OIT3: variants seen among roughly 807,000 people sequenced by gnomAD.
OIT3 encodes the protein oncoprotein induced transcript 3.
Under a neutral mutation model 52.2 loss-of-function variants are expected in OIT3, and 41 were observed. The observed-to-expected ratio is 0.79, with a 90% CI of 0.61 to 1.02. The LOEUF is 1.02. Among genes scored for constraint, OIT3 ranks in the 50% least tolerant of loss-of-function variants. The pLI, the probability that OIT3 is intolerant of heterozygous loss-of-function variation, is 0.00. For missense variants in OIT3, 634 were observed against 715.5 expected, an observed-to-expected ratio of 0.89 and a Z score of 1.30; for synonymous variants, 244 against 276.9, an observed-to-expected ratio of 0.88 and a Z score of 1.18.
rs568725374 is a variant in OIT3 at position 72,916,243 on chromosome 10, G to T, written c.951+2775G>T. ...TACATATGTAAATGTGTGTCATGGG[G>T]GTTGGTTATACAGATTATTTCATCA... On this transcript the variant is annotated intron_variant, in intron 6 of 8. Transcript: ENST00000334011. Among the ~76,000 whole-genome samples, 319 of 152,194 alleles carry T rather than the reference G, an allele frequency of 2.1e-3. 1 individual carries two copies. Among genetic ancestry groups the T allele is most frequent in the African/African-American group, 7.6e-3 (315 of 41,518 alleles).
chr10:72,909,144 AG>A (rs1405848790), intron 4 of OIT3, among the ~76,000 whole-genome samples: 2 of 144,614 alleles, frequency 1.4e-5, no homozygotes, highest in African/African-American at 5.2e-5. Flanking sequence ...TTTTGAGATA[AG>A]GTCTCACTCT....
chr10:72,899,755 AGATG>A (rs1228383039), intron 2 of OIT3, among the ~76,000 whole-genome samples: 1,719 of 134,566 alleles, frequency 0.013, 31 homozygotes, highest in African/African-American at 0.044. Flanking sequence ...ATAGATAGAT[AGATG>A]ATAGATAGAT....
intron 6 of OIT3, chr10:72,913,678 G>A (rs1173409333): frequency 1.5e-6 from 1 of 667,332 alleles, no homozygotes; most frequent in Non-Finnish European, 2.8e-6. Context: ...TGCTATTCCT[G>A]TTTTCAAATA....
intron 3 of OIT3, 50 bp from the exon 4 acceptor site, chr10:72,906,546 A>T: frequency 6.2e-7 from 1 of 1,608,986 alleles, no homozygotes; most frequent in Non-Finnish European, 8.5e-7. Context: ...GGGTTGGGAA[A>T]AGGCTGAATC....
At position 72,893,742 on chromosome 10, in the gene OIT3, A is replaced by G; in HGVS notation, c.-57A>G. On this transcript the variant is annotated 5_prime_UTR_variant, in exon 1 of 9. Coordinates refer to ENST00000334011, the MANE Select transcript of OIT3 (RefSeq NM_152635.3). ...AAAAGTGCTTGAAAGAGAAGGGGAC[A>G]AAGGAACACCAGTATTAAGAGGATT... 2 of 1,477,236 alleles carry G rather than the reference A, an allele frequency of 1.4e-6. No homozygotes were observed. The highest frequency in any genetic ancestry group is 4.7e-5 in the East Asian group (2 of 42,428). 91.5% of individuals were successfully genotyped at this position (1,477,236 alleles called of 1,614,324 possible).
intron 1 of OIT3, among the ~76,000 whole-genome samples, chr10:72,896,911 A>G (rs572376025): frequency 6.6e-6 from 1 of 152,312 alleles, no homozygotes; most frequent in African/African-American, 2.4e-5. Context: ...CATAAGGACA[A>G]TTTACCTATG....
rs75836713 is a variant in OIT3 at position 72,912,721 on chromosome 10, A to G, written c.791-587A>G. Among the ~76,000 whole-genome samples, 320 of 152,282 alleles carry G rather than the reference A, an allele frequency of 2.1e-3. 7 individuals are homozygous for G. The East Asian group carries it at 0.053, about 25-fold the overall frequency. ...ACAGAACTCAAGTATTCTTTTCAGG[A>G]TACTTGCAGAGTCTAGAGAAGAACC... is the stretch of plus-strand genomic sequence containing the variant. On this transcript the variant is annotated intron_variant, in intron 5 of 8. Coordinates refer to ENST00000334011, the MANE Select transcript of OIT3 (RefSeq NM_152635.3).
rs1845895295 is a variant in OIT3, at chr10:72,898,291, A to C, written c.62-373A>C. Among the ~76,000 whole-genome samples, 3 of 152,228 alleles carry C rather than the reference A, an allele frequency of 2.0e-5. No individual in the cohort carries two copies. The South Asian group carries it at 6.2e-4, about 32-fold the overall frequency. On this transcript the variant is annotated intron_variant, in intron 1 of 8. Transcript: ENST00000334011. ...GACAGAGCCAAACCCTGTTTCAAAAATAATAATAATACAGTCTCCATGTAT... is the reference window on the plus strand; with the variant it reads ...GACAGAGCCAAACCCTGTTTCAAAACTAATAATAATACAGTCTCCATGTAT...
At chr10:72,920,775 T>C (rs945277854) in intron 6 of OIT3, among the ~76,000 whole-genome samples, 1 of 152,218 alleles carries the variant, frequency 6.6e-6, no homozygotes, top group African/African-American at 2.4e-5. Flanking sequence ...CTAATTCGAT[T>C]GTGCTGTCAT....
intron 4 of OIT3, among the ~76,000 whole-genome samples, chr10:72,908,600 G>A (rs964033026): frequency 2.6e-5 from 4 of 152,010 alleles, no homozygotes; most frequent in Admixed American, 2.0e-4. Flanking sequence ...TTGAATAGGC[G>A]TAGTATCCAG....
intron 7 of OIT3, 130 bp downstream of exon 7, chr10:72,924,774 A>C: frequency 1.2e-6 from 1 of 825,296 alleles, no homozygotes; most frequent in Non-Finnish European, 1.9e-6. Context: ...GGAACCACTT[A>C]TTGACATTTT....
chr10:72,900,339 C>A (rs747022583), intron 2 of OIT3, 38 bp from the exon 3 acceptor site: 8 of 1,051,508 alleles, frequency 7.6e-6, no homozygotes, highest in Non-Finnish European at 5.8e-6. Context: ...GTCTTCTGGT[C>A]TCCTGCCCTC....
At chr10:72,904,931 G>A (rs1845965520) in intron 3 of OIT3, among the ~76,000 whole-genome samples, 2 of 152,150 alleles carry the variant, frequency 1.3e-5, no homozygotes, top group South Asian at 4.1e-4. Context: ...ATCTGGGGAG[G>A]GCCTCAGGCT....
chr10:72,922,440 T>G (rs1846129725), intron 6 of OIT3, among the ~76,000 whole-genome samples: 1 of 152,178 alleles, frequency 6.6e-6, no homozygotes, highest in Non-Finnish European at 1.5e-5. Context: ...GTCTTCAAGC[T>G]CTGAGATTCT....
chr10:72,909,117 C>CT (rs35778299), intron 4 of OIT3, among the ~76,000 whole-genome samples: 4,742 of 111,716 alleles, frequency 0.042, 125 homozygotes, highest in African/African-American at 0.063. Flanking sequence ...TTCCCAGTGT[C>CT]TTTTTTTTTT....
intron 6 of OIT3, chr10:72,917,492 T>G: frequency 1.8e-6 from 1 of 542,214 alleles, no homozygotes; most frequent in South Asian, 2.0e-5. Context: ...GACAACACAT[T>G]CTTGGCAATG....
chr10:72,900,372 C>G lies in OIT3; in HGVS notation c.437-5C>G, dbSNP rs375539272. 1 of 1,535,446 alleles carries G rather than the reference C, an allele frequency of 6.5e-7. No homozygotes were observed. Among genetic ancestry groups the G allele is most frequent in the Non-Finnish European group, 9.0e-7 (1 of 1,109,050 alleles). On this transcript the variant is annotated splice_region_variant and splice_polypyrimidine_tract_variant and intron_variant, in intron 2 of 8. Transcript: ENST00000334011. Reference sequence around the variant, plus strand: ...CTCATGAAGATAATCTTTATTCTTCCATAGATTTTTATGACATCTGCGACG... The same window carrying G: ...CTCATGAAGATAATCTTTATTCTTCGATAGATTTTTATGACATCTGCGACG...
At chr10:72,894,722 A>G (rs1256719566) in intron 1 of OIT3, among the ~76,000 whole-genome samples, 1 of 152,064 alleles carries the variant, frequency 6.6e-6, no homozygotes, top group Non-Finnish European at 1.5e-5. Context: ...TACTAAAAAT[A>G]CATACACACA....
At chr10:72,894,643 C>G (rs1256416205) in intron 1 of OIT3, among the ~76,000 whole-genome samples, 4 of 152,126 alleles carry the variant, frequency 2.6e-5, no homozygotes, top group Admixed American at 2.6e-4. Flanking sequence ...TTTGAGAGGC[C>G]AAGGCGGGTG....
Sources: gnomAD v4.1 joint callset for allele counts (sites outside exome capture counted in the v4.1 genomes callset) on GRCh38, gnomAD v4.1.1 for gene constraint, MANE v1.5 for transcripts, NCBI Gene and HGNC (gene_info 2026-07-23, HGNC 2026-07-21) for gene names.